SLC1A1: variants seen among roughly 807,000 people sequenced by gnomAD.
SLC1A1 encodes solute carrier family 1 member 1.
In SLC1A1, 43 loss-of-function variants were observed where a neutral mutation model predicts 53.3. That is an observed-to-expected ratio of 0.81 (90% confidence interval 0.63 to 1.04). The LOEUF (loss-of-function observed/expected upper bound fraction) is 1.04. Among genes scored for constraint, SLC1A1 ranks in the 50% least tolerant of loss-of-function variants. The pLI, the probability that SLC1A1 is intolerant of heterozygous loss-of-function variation, is 0.00. For missense variants in SLC1A1, 748 were observed against 664.9 expected (o/e 1.12, Z -1.37); for synonymous variants, 307 against 243.2 (o/e 1.26, Z -2.44).
intron 2 of SLC1A1, chr9:4,553,270 G>T (rs535565824): frequency 6.6e-6 from 1 of 151,858 alleles, no homozygotes; most frequent in African/African-American, 2.4e-5. Context: ...CTGAAAAACT[G>T]GTCCTAACTA....
intron 1 of SLC1A1, among the ~76,000 whole-genome samples, chr9:4,525,705 G>A (rs1170453772): frequency 6.6e-6 from 1 of 152,124 alleles, no homozygotes; most frequent in African/African-American, 2.4e-5. Flanking sequence ...AAAATTCAGT[G>A]AATGAATTAA....
intron 1 of SLC1A1, among the ~76,000 whole-genome samples, chr9:4,501,252 C>T (rs1409084073): frequency 6.7e-6 from 1 of 149,952 alleles, no homozygotes; most frequent in Admixed American, 6.6e-5. Context: ...AGTGTGATCT[C>T]GGCAACTGCA....
chr9:4,568,695 C>CAAA (rs57351478), intron 6 of SLC1A1, among the ~76,000 whole-genome samples: 1 of 102,764 alleles, frequency 9.7e-6, no homozygotes, highest in Non-Finnish European at 2.1e-5. Context: ...ACTCTTGTTT[C>CAAA]AAAAAAAAAA....
At chr9:4,554,342 G>A (rs1009103054) in intron 2 of SLC1A1, 23 of 152,196 alleles carry the variant, frequency 1.5e-4, no homozygotes, top group Non-Finnish European at 4.4e-5. Context: ...GTATACATTC[G>A]TGAACAAGCA....
In SLC1A1 at chr9:4,576,123, G is replaced by C. The variant is rs1486145677; in HGVS notation, c.998G>C (p.Ser333Thr). Residue 333 changes from serine (S) to threonine (T), a missense_variant and splice_region_variant, in exon 9 of 12, where the codon AGT becomes ACT. Physicochemically the swap from Ser to Thr is moderately conservative, Grantham distance 58. Transcript: ENST00000262352. ...ALLTALMISS[S>T]SATLPVTFRC... is the part of the protein sequence containing the mutation. ...CTGACAGCTCTCATGATCTCTTCCAGGTAAACAGAAGAGGGGTTTCTGGAA... is the reference window on the plus strand; with the variant it reads ...CTGACAGCTCTCATGATCTCTTCCACGTAAACAGAAGAGGGGTTTCTGGAA... 6.2e-7 allele frequency: 1 copy of C among 1,613,672 alleles called. No homozygotes were observed. Among genetic ancestry groups the C allele is most frequent in the Non-Finnish European group, 8.5e-7 (1 of 1,179,714 alleles).
chr9:4,536,119 A>C (rs879361039), intron 1 of SLC1A1, among the ~76,000 whole-genome samples: 139 of 152,320 alleles, frequency 9.1e-4, no homozygotes, highest in Middle Eastern at 3.4e-3. Flanking sequence ...AATACCATTC[A>C]GGACATCGGC....
At position 4,567,786 on chromosome 9, in the gene SLC1A1, G is replaced by C. The variant is rs553655713; in HGVS notation, c.582+19G>C. 4 of 1,449,410 alleles carry C rather than the reference G, an allele frequency of 2.8e-6. No individual in the cohort carries two copies. The highest frequency in any genetic ancestry group is 3.4e-5 in the Admixed American group (2 of 59,660). 89.8% of individuals were successfully genotyped at this position (1,449,410 alleles called of 1,614,324 possible). On this transcript the variant is annotated intron_variant, in intron 6 of 11. Coordinates refer to ENST00000262352, the MANE Select transcript of SLC1A1 (RefSeq NM_004170.6). Reference sequence around the variant, plus strand: ...TTCCAAGGTACCATTCTTATTTCCTGTTCCTCTTCCCCAGGAGACAGGCAC... The same window carrying C: ...TTCCAAGGTACCATTCTTATTTCCTCTTCCTCTTCCCCAGGAGACAGGCAC...
intron 9 of SLC1A1, 87 bp downstream of exon 9, chr9:4,576,210 C>A (rs898790880): frequency 2.2e-6 from 3 of 1,364,058 alleles, no homozygotes; most frequent in Non-Finnish European, 2.1e-6. Context: ...CTCCAGCTTG[C>A]GGTTTTTGTA....
chr9:4,532,241 G>C (rs960766433), intron 1 of SLC1A1, among the ~76,000 whole-genome samples: 4 of 152,130 alleles, frequency 2.6e-5, no homozygotes, highest in South Asian at 2.1e-4. Context: ...AGAGAAGAAG[G>C]CTTCAGATGA....
In SLC1A1 at chr9:4,576,080, G is replaced by C; in HGVS notation, c.955G>C (p.Gly319Arg). 6.2e-7 allele frequency: 1 copy of C among 1,613,180 alleles called. No homozygotes were observed. The highest frequency in any genetic ancestry group is 8.5e-7 in the Non-Finnish European group (1 of 1,179,124). ...AAAGAACCCTTTCCGATTTGCCATG[G>C]GAATGGCCCAGGCTCTCCTGACAGC... ...VRKNPFRFAM[G>R]MAQALLTALM... The change falls in exon 9 of 12, where the codon GGA (glycine) becomes CGA (arginine). Residue 319 changes from glycine to arginine, a missense_variant. Gly to Arg is a moderately radical substitution (Grantham distance 125). Transcript: ENST00000262352.
chr9:4,535,678 T>G (rs2130861786), intron 1 of SLC1A1, among the ~76,000 whole-genome samples: 1 of 152,176 alleles, frequency 6.6e-6, no homozygotes, highest in Non-Finnish European at 1.5e-5. Flanking sequence ...AAGCTACCAA[T>G]GACTTTCTTC....
At chr9:4,510,347 G>A (rs970277534) in intron 1 of SLC1A1, among the ~76,000 whole-genome samples, 4 of 152,116 alleles carry the variant, frequency 2.6e-5, no homozygotes, top group African/African-American at 9.7e-5. Flanking sequence ...TGTGGCTGGC[G>A]GAGAAGGCAC....
At chr9:4,573,303 A>C (rs1820235276) in intron 7 of SLC1A1, among the ~76,000 whole-genome samples, 2 of 151,702 alleles carry the variant, frequency 1.3e-5, no homozygotes, top group South Asian at 2.1e-4. Context: ...TAAAAATGGC[A>C]AGGCAGGTCA....
chr9:4,508,101 C>G (rs911105238), intron 1 of SLC1A1, among the ~76,000 whole-genome samples: 9 of 151,956 alleles, frequency 5.9e-5, no homozygotes, highest in Non-Finnish European at 1.2e-4. Context: ...TGCCCTGATA[C>G]TGAGGAAGGG....
intron 2 of SLC1A1, among the ~76,000 whole-genome samples, chr9:4,552,362 T>C (rs985144178): frequency 1.3e-5 from 2 of 151,966 alleles, no homozygotes; most frequent in African/African-American, 2.4e-5. Flanking sequence ...GAAGGAAGCA[T>C]AGAAATCAAG....
At chr9:4,511,643 G>A (rs1397241301) in intron 1 of SLC1A1, among the ~76,000 whole-genome samples, 1 of 151,352 alleles carries the variant, frequency 6.6e-6, no homozygotes, top group Non-Finnish European at 1.5e-5. Flanking sequence ...AAGTCTGAAT[G>A]CTTTCCCCCT....
chr9:4,510,719 G>A (rs906088524), intron 1 of SLC1A1, among the ~76,000 whole-genome samples: 7 of 152,170 alleles, frequency 4.6e-5, no homozygotes, highest in African/African-American at 1.7e-4. Context: ...ATCCCTATTA[G>A]TTCAAACAAG....
chr9:4,560,459 T>C (rs1463138306), intron 2 of SLC1A1, among the ~76,000 whole-genome samples: 1 of 152,196 alleles, frequency 6.6e-6, no homozygotes, highest in Admixed American at 6.5e-5. Flanking sequence ...TTCTCCCAGC[T>C]GTTTACAAAA....
In SLC1A1 at chr9:4,549,735, T is replaced by G. The variant is rs1255596568; in HGVS notation, c.232+5028T>G. Among the ~76,000 whole-genome samples, 1 of 152,174 alleles carries G rather than the reference T, an allele frequency of 6.6e-6. No homozygotes were observed. The highest frequency in any genetic ancestry group is 1.5e-5 in the Non-Finnish European group (1 of 68,016). On this transcript the variant is annotated intron_variant, in intron 2 of 11. Transcript: ENST00000262352. This position sits in a 1 kb window ranked among gnomAD's most constrained non-coding sequence, Gnocchi z 4.1. ...AACCCCCCTCACGGCCACAGGGGGA[T>G]AGCCTTTCCTCGTGGACCCCATCAG...
Sources: gnomAD v4.1 joint callset for allele counts (sites outside exome capture counted in the v4.1 genomes callset) on GRCh38, gnomAD v4.1.1 for gene constraint, Gnocchi (gnomAD v3.1) non-coding constraint, MANE v1.5 for transcripts, NCBI Gene and HGNC (gene_info 2026-07-23, HGNC 2026-07-21) for gene names.